Variants in TRPM3 observed in about 807,000 individuals in gnomAD.
The protein encoded by TRPM3 is transient receptor potential cation channel subfamily M member 3, also known as long transient receptor potential channel 3.
A neutral mutation model predicts 181.2 loss-of-function variants in TRPM3; 77 were observed. The ratio of observed to expected loss-of-function variants is 0.42; its 90% CI spans 0.35 to 0.51. The LOEUF (loss-of-function observed/expected upper bound fraction) is 0.51, where lower values mean the gene tolerates loss of function less well. Ranked by LOEUF, TRPM3 falls within the 20% of genes least tolerant of loss-of-function variation. The pLI, the probability that TRPM3 is intolerant of heterozygous loss-of-function variation, is 0.01. For missense variants in TRPM3, 1,759 were observed against 2,196.7 expected (o/e 0.80, Z 3.98); for synonymous variants, 745 against 796.4 (o/e 0.94, Z 1.09).
rs59512793 is a variant in TRPM3 at position 71,416,010 on chromosome 9, A to AT, written c.183+30642dup. Among the ~76,000 whole-genome samples, 1,187 of 142,560 alleles carry AT rather than the reference A, an allele frequency of 8.3e-3. 14 individuals are homozygous for AT. Among genetic ancestry groups the AT allele is most frequent in the African/African-American group, 0.022 (875 of 39,492 alleles). The allele number at this position is 142,560 out of a possible 152,430, so 93.5% of individuals were successfully genotyped here. A position where few individuals can be genotyped will look rare whatever the true frequency, so the allele number is the denominator to read the frequency against. ...AAAGTAATCTTGTTATAATATTCCA[A>AT]TTTTTTTTTTTTTTTTACTTTCCAT... On this transcript the variant is annotated intron_variant, in intron 1 of 24. Coordinates refer to the TRPM3 transcript ENST00000357533.
At chr9:71,326,477 T>G (rs2089690681) in intron 1 of TRPM3, among the ~76,000 whole-genome samples, 2 of 152,238 alleles carry the variant, frequency 1.3e-5, no homozygotes. Context: ...TATTAATCTC[T>G]GCATTCATAA....
At chr9:70,560,814 G>A (rs1242435314) in intron 22 of TRPM3, among the ~76,000 whole-genome samples, 1 of 152,214 alleles carries the variant, frequency 6.6e-6, no homozygotes, top group Non-Finnish European at 1.5e-5. Flanking sequence ...TTCAGAGGGT[G>A]GAGAGAGAAA....
chr9:71,065,623 C>T (rs541333309), intron 1 of TRPM3, among the ~76,000 whole-genome samples: 57 of 152,254 alleles, frequency 3.7e-4, no homozygotes, highest in Admixed American at 3.0e-3. Flanking sequence ...ATGATTACAG[C>T]AAAACATAAC....
chr9:71,300,842 G>A (rs1328519261), intron 1 of TRPM3, among the ~76,000 whole-genome samples: 1 of 152,054 alleles, frequency 6.6e-6, no homozygotes, highest in Non-Finnish European at 1.5e-5. Context: ...AGATATATGG[G>A]ATTTAGCATT....
chr9:71,194,202 G>C (rs547380577), intron 1 of TRPM3, among the ~76,000 whole-genome samples: 1 of 151,892 alleles, frequency 6.6e-6, no homozygotes, highest in Non-Finnish European at 1.5e-5. Flanking sequence ...TTAAGTGTTT[G>C]ATGGCTCTTT....
In TRPM3 at chr9:70,555,320, C is replaced by T. The variant is rs376328595; in HGVS notation, c.3224-2010G>A. 4.7e-4 allele frequency among the ~76,000 whole-genome samples: 72 copies of T among 152,282 alleles called. 1 individual carries two copies. The South Asian group carries it at 0.014, about 30-fold the overall frequency. On this transcript the variant is annotated intron_variant, in intron 22 of 25. Transcript: ENST00000677713. ...AGGTATCTTCCTTACAATCCCAGAG[C>T]ACCCTCTGCCTGCCCTTTTGGGGGT...
At chr9:71,330,474 C>T (rs1217884295) in intron 1 of TRPM3, among the ~76,000 whole-genome samples, 1 of 144,850 alleles carries the variant, frequency 6.9e-6, no homozygotes, top group Non-Finnish European at 1.5e-5. Flanking sequence ...ATGCCAGCTA[C>T]TTACCAGCTA....
At chr9:70,763,346 C>CA (rs1273096629) in intron 7 of TRPM3, among the ~76,000 whole-genome samples, 2 of 152,004 alleles carry the variant, frequency 1.3e-5, no homozygotes, top group Admixed American at 6.6e-5. Context: ...TTTGTCTCTA[C>CA]AAAAAATTTA....
intron 1 of TRPM3, among the ~76,000 whole-genome samples, chr9:71,060,900 T>C (rs576867227): frequency 2.6e-5 from 4 of 152,114 alleles, no homozygotes; most frequent in Admixed American, 1.3e-4. Context: ...TATTAAAATA[T>C]ATTTAAAACA....
At chr9:71,031,563 C>G (rs1410639140) in intron 1 of TRPM3, among the ~76,000 whole-genome samples, 1 of 151,834 alleles carries the variant, frequency 6.6e-6, no homozygotes, top group Non-Finnish European at 1.5e-5. Context: ...GAAAGCATGC[C>G]CACTATTGCT....
At chr9:70,584,525 C>G (rs112794704) in intron 22 of TRPM3, among the ~76,000 whole-genome samples, 3 of 152,264 alleles carry the variant, frequency 2.0e-5, no homozygotes, top group African/African-American at 7.2e-5. Flanking sequence ...AGATACTTGA[C>G]CTCAACTCCA....
At chr9:71,203,075 G>T (rs910033084) in intron 1 of TRPM3, among the ~76,000 whole-genome samples, 3 of 152,158 alleles carry the variant, frequency 2.0e-5, no homozygotes, top group African/African-American at 7.2e-5. Flanking sequence ...CTGCAGTTTG[G>T]CTCCTAGAAG....
intron 6 of TRPM3, among the ~76,000 whole-genome samples, chr9:70,787,763 C>CTTTTTTTTTTTTTTTTTTTTGTGTTTTT: frequency 1.5e-5 from 1 of 68,558 alleles, no homozygotes; most frequent in Non-Finnish European, 2.6e-5. Context: ...TTTTTGGATT[C>CTTTTTTTTTTTTTTTTTTTTGTGTTTTT]TTTTTTTTTT....
chr9:71,102,750 T>A (rs2068639839), intron 1 of TRPM3, among the ~76,000 whole-genome samples: 1 of 152,208 alleles, frequency 6.6e-6, no homozygotes, highest in Non-Finnish European at 1.5e-5. Context: ...TTCTACTACA[T>A]TTTTATTAGA....
intron 1 of TRPM3, among the ~76,000 whole-genome samples, chr9:71,218,834 A>G (rs979051888): frequency 6.6e-6 from 1 of 152,238 alleles, no homozygotes; most frequent in Admixed American, 6.5e-5. Flanking sequence ...AGATCAGTAC[A>G]TATGTCCACA....
Position 70,537,268 on chromosome 9 carries a change from A to G in TRPM3, c.3845T>C (p.Leu1282Pro), listed in dbSNP as rs1479622216. 2 of 1,587,070 alleles carry G rather than the reference A, an allele frequency of 1.3e-6. No homozygotes were observed. The highest frequency in any genetic ancestry group is 2.3e-5 in the South Asian group (2 of 88,770). ...IGRMATALER[L>P]TGLERAESNK... Reference sequence around the variant, plus strand: ...GGACTCGGCCCGCTCCAGACCTGTCAGGCGCTCCAGGGCCGTGGCCATGCG... The same window carrying G: ...GGACTCGGCCCGCTCCAGACCTGTCGGGCGCTCCAGGGCCGTGGCCATGCG... Residue 1282 changes from leucine (L) to proline (P), a missense_variant, in exon 26 of 26, where the codon CTG becomes CCG. By Grantham distance (98) the Leu-to-Pro change is moderately conservative (BLOSUM62 -3). Coordinates refer to ENST00000677713, the MANE Select transcript of TRPM3 (RefSeq NM_001366145.2).
chr9:71,163,168 C>A (rs1056204412), intron 1 of TRPM3, among the ~76,000 whole-genome samples: 1 of 152,108 alleles, frequency 6.6e-6, no homozygotes, highest in Admixed American at 6.6e-5. Context: ...TAAAAATTCA[C>A]CTTGGAAGCT....
chr9:71,255,899 G>A (rs1394748384), intron 1 of TRPM3, among the ~76,000 whole-genome samples: 2 of 152,098 alleles, frequency 1.3e-5, no homozygotes, highest in Non-Finnish European at 2.9e-5. Flanking sequence ...GACAGCTGTT[G>A]CCACAATTAT....
chr9:71,162,554 G>A (rs1164105831), intron 1 of TRPM3, among the ~76,000 whole-genome samples: 2 of 151,964 alleles, frequency 1.3e-5, no homozygotes, highest in African/African-American at 4.8e-5. Context: ...AGAAAACAAC[G>A]GTCCTCAAAA....
Sources: gnomAD v4.1 joint callset for allele counts (sites outside exome capture counted in the v4.1 genomes callset) on GRCh38, gnomAD v4.1.1 for gene constraint, MANE v1.5 for transcripts, NCBI Gene and HGNC (gene_info 2026-07-23, HGNC 2026-07-21) for gene names.